The following EML6 variants were observed in gnomAD, a reference collection of about 807,000 sequenced individuals.
EML6 encodes the protein EMAP like 6, also known as echinoderm microtubule-associated protein-like 6.
EML6 carries 154 observed loss-of-function variants against 240.1 expected under a neutral mutation model. That is an observed-to-expected ratio of 0.64 (90% CI 0.56 to 0.73). The LOEUF is 0.73. EML6 is among the 30% of genes least tolerant of loss of function. The pLI is 0.00. For synonymous variants in EML6, 1,148 were observed against 899.0 expected, an observed-to-expected ratio of 1.28 and a Z score of -4.95; for missense variants, 2,964 against 2,474.6, an observed-to-expected ratio of 1.20 and a Z score of -4.20.
At chr2:54,844,531 A>G (rs1432230229) in intron 8 of EML6, among the ~76,000 whole-genome samples, 2 of 152,208 alleles carry the variant, frequency 1.3e-5, no homozygotes, top group Non-Finnish European at 2.9e-5. Context: ...TGAGCTAAGC[A>G]CACTCATCTA....
intron 5 of EML6, among the ~76,000 whole-genome samples, chr2:54,825,235 T>TGCCTTAAGCATTGCTATGAA (rs1668531270): frequency 3.3e-5 from 5 of 152,332 alleles, no homozygotes; most frequent in African/African-American, 1.2e-4. Flanking sequence ...GGGAACTGTC[T>TGCCTTAAGCATTGCTATGAA]GCCTTAAGCA....
chr2:54,917,033 A>G (rs1264798863), intron 26 of EML6, 98 bp downstream of exon 26: 10 of 871,864 alleles, frequency 1.1e-5, no homozygotes, highest in Middle Eastern at 3.2e-4. Context: ...GTCATAAGCA[A>G]TTCACATTAT....
intron 35 of EML6, among the ~76,000 whole-genome samples, chr2:54,962,150 A>G (rs1402264745): frequency 2.0e-5 from 3 of 149,428 alleles, no homozygotes; most frequent in Non-Finnish European, 4.4e-5. Context: ...TGGTACCATC[A>G]TCATAGCTCA....
At chr2:54,799,422 T>G (rs1437949900) in intron 2 of EML6, among the ~76,000 whole-genome samples, 4 of 151,912 alleles carry the variant, frequency 2.6e-5, no homozygotes, top group Non-Finnish European at 5.9e-5. Context: ...CTCCGTTCAC[T>G]GCAACCTCTG....
chr2:54,779,201 C>T (rs1475926917), intron 2 of EML6, among the ~76,000 whole-genome samples: 1 of 152,116 alleles, frequency 6.6e-6, no homozygotes, highest in Non-Finnish European at 1.5e-5. Context: ...ATCTCAGTTG[C>T]TTGCCACCCT....
At chr2:54,902,924 A>G (rs987640580) in intron 22 of EML6, 120 bp from the exon 23 acceptor site, 11 of 884,694 alleles carry the variant, frequency 1.2e-5, no homozygotes, top group Non-Finnish European at 1.5e-5. Flanking sequence ...TGTAGTGTCA[A>G]TTTAAAGGCA....
rs1416491373 is a variant in EML6 at position 54,967,068 on chromosome 2, G to A, written c.5562G>A (p.Val1854=). The stretch of plus-strand genomic sequence containing the variant: ...TGGGGAAGCAGGTAACTGAAGCCGT[G>A]GTCATTGAGAAGATCACCTGGGCCT... ...VPLGKQVTEA[V]VIEKITWASW... Residue 1854 remains valine, a synonymous_variant, in exon 39 of 42, where the codon GTG becomes GTA. Coordinates refer to ENST00000356458, the MANE Select transcript of EML6 (RefSeq NM_001039753.4). The A allele has an allele frequency of 1.3e-6, 2 of 1,551,442 alleles. No individual in the cohort carries two copies. Among genetic ancestry groups the A allele is most frequent in the South Asian group, 2.4e-5 (2 of 84,044 alleles).
chr2:54,820,301 T>C (rs1668272713), intron 4 of EML6, 93 bp from the exon 5 acceptor site: 16 of 729,826 alleles, frequency 2.2e-5, no homozygotes, highest in Non-Finnish European at 3.5e-5. Flanking sequence ...GTGTTCTAAA[T>C]GTTATAGTAG....
chr2:54,941,837 C>T (rs1317079165), intron 28 of EML6, among the ~76,000 whole-genome samples: 1 of 152,242 alleles, frequency 6.6e-6, no homozygotes, highest in Non-Finnish European at 1.5e-5. Context: ...TTCATCCCAC[C>T]CCTTCGTTCT....
intron 41 of EML6, among the ~76,000 whole-genome samples, chr2:54,969,167 G>A (rs550837835): frequency 2.6e-5 from 4 of 152,270 alleles, no homozygotes; most frequent in African/African-American, 7.2e-5. Context: ...ACTCCCAGTT[G>A]ATCACCAGTG....
At chr2:54,796,814 T>C (rs1257535690) in intron 2 of EML6, among the ~76,000 whole-genome samples, 2 of 151,976 alleles carry the variant, frequency 1.3e-5, no homozygotes, top group East Asian at 3.9e-4. Context: ...GCCAGGCTAT[T>C]ATAGAGGGTT....
chr2:54,832,064 A>C (rs1255822394), intron 7 of EML6, among the ~76,000 whole-genome samples: 2 of 152,208 alleles, frequency 1.3e-5, no homozygotes, highest in African/African-American at 4.8e-5. Context: ...TGGCTTGGGC[A>C]ACATTGTCAC....
chr2:54,851,697 TTTC>T (rs1489822876), intron 10 of EML6, among the ~76,000 whole-genome samples: 1 of 152,240 alleles, frequency 6.6e-6, no homozygotes, highest in Non-Finnish European at 1.5e-5. Flanking sequence ...TTATCTGTTA[TTTC>T]TTCTTTATTC....
chr2:54,879,590 C>A lies in EML6; in HGVS notation c.2388C>A (p.His796Gln). 1.3e-6 allele frequency: 2 copies of A among 1,551,934 alleles called. No homozygotes were observed. The highest frequency in any genetic ancestry group is 1.7e-6 in the Non-Finnish European group (2 of 1,146,922). Residue 796 changes from histidine to glutamine, a missense_variant, in exon 17 of 42, where the codon CAC becomes CAA. By Grantham distance (24) the His-to-Gln change is conservative. Transcript: ENST00000356458. ...CLVSVGLDDF[H>Q]SIVFWDWKKG... ...TGTCGGTTGGTTTAGACGATTTTCA[C>A]AGTATTGTATTTTGGGACTGGAAAA... is the stretch of plus-strand genomic sequence containing the variant.
chr2:54,900,555 G>A (rs1195078951), intron 22 of EML6, among the ~76,000 whole-genome samples: 3 of 152,080 alleles, frequency 2.0e-5, no homozygotes, highest in Non-Finnish European at 2.9e-5. Flanking sequence ...GAATATGAGA[G>A]CCACATGAGA....
chr2:54,947,410 G>A (rs963275931), intron 28 of EML6, among the ~76,000 whole-genome samples: 11 of 152,064 alleles, frequency 7.2e-5, no homozygotes, highest in African/African-American at 1.4e-4. Flanking sequence ...TTATAATACC[G>A]TTTGGTCCAA....
chr2:54,848,025 C>G (rs1273248516), intron 9 of EML6, among the ~76,000 whole-genome samples: 1 of 151,440 alleles, frequency 6.6e-6, no homozygotes, highest in African/African-American at 2.4e-5. Context: ...CCAAGCACAT[C>G]TAATTCCAAG....
At chr2:54,842,555 G>T (rs1194241259) in intron 7 of EML6, among the ~76,000 whole-genome samples, 1 of 152,186 alleles carries the variant, frequency 6.6e-6, no homozygotes, top group Non-Finnish European at 1.5e-5. Flanking sequence ...CCAAGTCCTC[G>T]AACGTCTGAT....
intron 26 of EML6, 34 bp from the exon 27 acceptor site, chr2:54,928,279 T>A: frequency 6.7e-7 from 1 of 1,493,496 alleles, no homozygotes; most frequent in Non-Finnish European, 9.1e-7. Flanking sequence ...GGAATAACAG[T>A]GGCTGGGGTA....
Sources: allele counts gnomAD v4.1 joint callset (sites outside exome capture counted in the v4.1 genomes callset), GRCh38; gene constraint gnomAD v4.1.1; transcripts MANE v1.5; gene names NCBI Gene and HGNC (gene_info 2026-07-23, HGNC 2026-07-21).